Variants in C12orf42 observed in about 807,000 individuals in gnomAD.
The protein encoded by C12orf42 is uncharacterized protein C12orf42.
Under a neutral mutation model 21.6 loss-of-function variants are expected in C12orf42, and 25 were observed. The ratio of observed to expected loss-of-function variants is 1.16; its 90% CI spans 0.84 to 1.62. The LOEUF (loss-of-function observed/expected upper bound fraction) is 1.62. Ranked by LOEUF, C12orf42 falls within the 40% of genes most tolerant of loss-of-function variation. C12orf42 has a pLI of 0.00. For synonymous variants in C12orf42, 174 were observed against 175.0 expected, an observed-to-expected ratio of 0.99 and a Z score of 0.05; for missense variants, 483 against 459.3, an observed-to-expected ratio of 1.05 and a Z score of -0.47.
At chr12:103,139,831 A>G in the C12orf42 span, among the ~76,000 whole-genome samples, 1 of 152,250 alleles carries the variant, frequency 6.6e-6, no homozygotes, top group Non-Finnish European at 1.5e-5. Context: ...TGGGGTTAAA[A>G]AAAGGAGAAA....
intron 3 of C12orf42, among the ~76,000 whole-genome samples, chr12:103,385,768 A>G (rs1282599620): frequency 6.6e-6 from 1 of 152,158 alleles, no homozygotes; most frequent in Admixed American, 6.5e-5. Flanking sequence ...GATTTTTTTC[A>G]TACTTGTAAG....
At chr12:103,539,332 C>T in the C12orf42 span, among the ~76,000 whole-genome samples, 41 of 151,086 alleles carry the variant, frequency 2.7e-4, no homozygotes, top group African/African-American at 8.8e-4. Context: ...AAATCAATTG[C>T]ACAGGCTTGG....
chr12:103,231,674 ATT>A, the C12orf42 span, among the ~76,000 whole-genome samples: 1 of 152,086 alleles, frequency 6.6e-6, no homozygotes, highest in African/African-American at 2.4e-5. Context: ...TGATACATCC[ATT>A]GTCTGGATGT....
At chr12:103,080,200 C>T in the C12orf42 span, among the ~76,000 whole-genome samples, 2 of 152,152 alleles carry the variant, frequency 1.3e-5, no homozygotes, top group East Asian at 3.9e-4. Context: ...TTGGGGCGGC[C>T]AGGTCAGTAA....
chr12:103,112,609 C>T, the C12orf42 span, among the ~76,000 whole-genome samples: 51 of 152,150 alleles, frequency 3.4e-4, no homozygotes, highest in Non-Finnish European at 5.4e-4. Flanking sequence ...TGCAGTGAAC[C>T]GAGACTGTGC....
At chr12:103,063,178 A>G in the C12orf42 span, among the ~76,000 whole-genome samples, 7 of 152,204 alleles carry the variant, frequency 4.6e-5, no homozygotes, top group African/African-American at 1.4e-4. Flanking sequence ...GTGACGAAAG[A>G]AAATGATGAA....
intron 2 of C12orf42, among the ~76,000 whole-genome samples, chr12:103,418,278 A>G (rs2049543635): frequency 6.6e-6 from 1 of 152,148 alleles, no homozygotes; most frequent in South Asian, 2.1e-4. Flanking sequence ...AAATCAAAGG[A>G]CATGAAAGCC....
chr12:103,099,432 G>A, the C12orf42 span, among the ~76,000 whole-genome samples: 1 of 152,210 alleles, frequency 6.6e-6, no homozygotes, highest in Non-Finnish European at 1.5e-5. Flanking sequence ...ATCCAGTGGA[G>A]GAAAGAGGTA....
upstream of C12orf42, among the ~76,000 whole-genome samples, chr12:103,497,821 G>A (rs960631271): frequency 2.0e-5 from 3 of 152,126 alleles, no homozygotes; most frequent in African/African-American, 7.2e-5. Context: ...CACTAGGTCT[G>A]GAGATCGATA....
At chr12:103,461,245 G>C (rs1952678359) in intron 2 of C12orf42, among the ~76,000 whole-genome samples, 1 of 152,136 alleles carries the variant, frequency 6.6e-6, no homozygotes, top group South Asian at 2.1e-4. Context: ...TAATCACTTA[G>C]CTCGGGCAAC....
chr12:103,424,988 G>C (rs934755356), intron 2 of C12orf42, among the ~76,000 whole-genome samples: 2 of 152,112 alleles, frequency 1.3e-5, no homozygotes, highest in African/African-American at 4.8e-5. Context: ...TGGGAAACTC[G>C]AGCTTAGTGG....
At chr12:103,130,252 G>A in the C12orf42 span, among the ~76,000 whole-genome samples, 2 of 151,328 alleles carry the variant, frequency 1.3e-5, no homozygotes, top group Non-Finnish European at 2.9e-5. Flanking sequence ...TGAAGTGAAG[G>A]AAAATAGCTT....
chr12:103,560,092 A>G, the C12orf42 span, among the ~76,000 whole-genome samples: 62 of 152,378 alleles, frequency 4.1e-4, no homozygotes, highest in African/African-American at 1.4e-3. Context: ...CTGTAAATTT[A>G]TGTAAATAAT....
At chr12:103,196,668 G>A in the C12orf42 span, among the ~76,000 whole-genome samples, 234 of 152,036 alleles carry the variant, frequency 1.5e-3, 5 homozygotes, top group Admixed American at 0.013. Context: ...TTATTATTAC[G>A]CAATACCCTT....
intron 2 of C12orf42, among the ~76,000 whole-genome samples, chr12:103,419,306 G>A (rs1243255116): frequency 6.6e-6 from 1 of 152,160 alleles, no homozygotes; most frequent in Non-Finnish European, 1.5e-5. Flanking sequence ...CATGTTTTAA[G>A]CAAAGGTGTA....
intron 4 of C12orf42, among the ~76,000 whole-genome samples, chr12:103,316,778 G>A (rs1180380884): frequency 4.0e-5 from 6 of 151,534 alleles, no homozygotes; most frequent in South Asian, 2.1e-4. Context: ...TATCCCAAGC[G>A]CTTGGCACAT....
the C12orf42 span, among the ~76,000 whole-genome samples, chr12:103,079,235 G>A: frequency 1.3e-5 from 2 of 152,096 alleles, no homozygotes; most frequent in Admixed American, 6.6e-5. Context: ...GGACAAAACA[G>A]TATGGTAAAA....
At chr12:103,134,840 G>A in the C12orf42 span, among the ~76,000 whole-genome samples, 1 of 152,076 alleles carries the variant, frequency 6.6e-6, no homozygotes, top group Non-Finnish European at 1.5e-5. Flanking sequence ...CCAAAGACAA[G>A]GAGGAAATTC....
the C12orf42 span, among the ~76,000 whole-genome samples, chr12:103,109,603 A>ATT: frequency 6.7e-6 from 1 of 148,686 alleles, no homozygotes; most frequent in Admixed American, 6.7e-5. Flanking sequence ...TTTATATAAT[A>ATT]TAATTAAATA....
Sources: allele counts gnomAD v4.1 joint callset (sites outside exome capture counted in the v4.1 genomes callset), GRCh38; gene constraint gnomAD v4.1.1; transcripts MANE v1.5; gene names NCBI Gene and HGNC (gene_info 2026-07-23, HGNC 2026-07-21).